Variants in FAM114A2 observed in about 807,000 individuals in gnomAD.
FAM114A2 encodes family with sequence similarity 114 member A2.
Under a neutral mutation model 58.4 loss-of-function variants are expected in FAM114A2, and 53 were observed. That is an observed-to-expected ratio of 0.91 (90% CI 0.73 to 1.14). FAM114A2 has a LOEUF of 1.14. Among genes scored for constraint, FAM114A2 ranks in the 50% most tolerant of loss-of-function variants. The pLI is 0.00. For synonymous variants in FAM114A2, 228 were observed against 211.4 expected, an observed-to-expected ratio of 1.08 and a Z score of -0.68; for missense variants, 601 against 581.1, an observed-to-expected ratio of 1.03 and a Z score of -0.35.
rs1408663264 is a variant in FAM114A2, at chr5:154,002,879, T to C, written c.1084A>G (p.Asn362Asp). ...EEGEKQSEAE[N>D]TEQVNKNSIE... ...GAATTTTTGTTGACTTGCTCAGTAT[T>C]TTCTGCTTCCGACTGTTTTTCTCCT... Residue 362 changes from asparagine to aspartate, a missense_variant, in exon 10 of 14, where the codon AAT (asparagine) becomes GAT (aspartate). Physicochemically the swap from Asn to Asp is conservative, Grantham distance 23. Coordinates refer to ENST00000351797, the MANE Select transcript of FAM114A2 (RefSeq NM_018691.4). The C allele has an allele frequency of 3.1e-6, 5 of 1,614,014 alleles. No individual in the cohort carries two copies. In the African/African-American group the frequency reaches 5.3e-5, roughly 17 times the overall value.
At chr5:154,026,296 A>T in intron 8 of FAM114A2, 103 bp downstream of exon 8, 1 of 927,166 alleles carries the variant, frequency 1.1e-6, no homozygotes, top group Non-Finnish European at 1.5e-6. Flanking sequence ...AAAAAAGTAA[A>T]ATCAAGCCAG....
In FAM114A2 at chr5:154,002,901, T is replaced by C. The variant is rs1183442702; in HGVS notation, c.1062A>G (p.Gly354=). 3.7e-6 allele frequency: 6 copies of C among 1,614,082 alleles called. No individual in the cohort carries two copies. Among genetic ancestry groups the C allele is most frequent in the Non-Finnish European group, 5.1e-6 (6 of 1,179,910 alleles). Residue 354 remains glycine, a synonymous_variant, in exon 10 of 14, where the codon GGA becomes GGG. Coordinates refer to ENST00000351797, the MANE Select transcript of FAM114A2 (RefSeq NM_018691.4). ...TATTTTCTGCTTCCGACTGTTTTTC[T>C]CCTTCTTCATTCTCTGCTAATGGCT... ...LTKPLAENEE[G]EKQSEAENTE...
chr5:154,009,181 G>A (rs1770538336), intron 9 of FAM114A2, among the ~76,000 whole-genome samples: 1 of 152,286 alleles, frequency 6.6e-6, no homozygotes, highest in Non-Finnish European at 1.5e-5. Flanking sequence ...GAAATGTCTG[G>A]TTGCAGGGCT....
chr5:154,000,502 A>G (rs1244500603), intron 11 of FAM114A2, among the ~76,000 whole-genome samples: 1 of 152,164 alleles, frequency 6.6e-6, no homozygotes, highest in Non-Finnish European at 1.5e-5. Flanking sequence ...TTTTTTAAAA[A>G]GACGGAAAAG....
At chr5:154,012,731 T>G (rs1581792713) in intron 8 of FAM114A2, among the ~76,000 whole-genome samples, 1 of 152,182 alleles carries the variant, frequency 6.6e-6, no homozygotes, top group South Asian at 2.1e-4. Context: ...TCTTCCTACA[T>G]AACTCATCTA....
At position 153,990,586 on chromosome 5, in the gene FAM114A2, TA is replaced by T. The variant is rs1769214576; in HGVS notation, c.*2389del. 6.6e-6 allele frequency: 1 copy of T among 150,898 alleles called. No individual in the cohort carries two copies. The highest frequency in any genetic ancestry group is 2.4e-5 in the African/African-American group (1 of 40,924). 9.3% of individuals were successfully genotyped at this position (150,898 alleles called of 1,614,324 possible). A position where few individuals can be genotyped will look rare whatever the true frequency, so the allele number is the denominator to read the frequency against. Reference sequence around the variant, plus strand: ...TTCTAAGGTATTATGCAAAGGAAAATAAAAATTGTTTCATAGAGGTTTCTAC... The same window carrying T: ...TTCTAAGGTATTATGCAAAGGAAAATAAAATTGTTTCATAGAGGTTTCTAC... On this transcript the variant is annotated 3_prime_UTR_variant, in exon 14 of 14. Transcript: ENST00000351797.
chr5:153,996,901 G>A lies in FAM114A2; in HGVS notation c.1329+902C>T, dbSNP rs1769596041. 2.0e-5 allele frequency among the ~76,000 whole-genome samples: 3 copies of A among 151,526 alleles called. No individual in the cohort carries two copies. The South Asian group carries it at 6.2e-4, about 32-fold the overall frequency. ...AATCCCAGCTACTTGGGAGGCAGAG[G>A]CAGAAGAATCACTTGGACCCAGGAG... On this transcript the variant is annotated intron_variant, in intron 12 of 13. Coordinates refer to ENST00000351797, the MANE Select transcript of FAM114A2 (RefSeq NM_018691.4).
At chr5:154,020,616 C>T (rs1200940512) in intron 8 of FAM114A2, among the ~76,000 whole-genome samples, 1 of 152,054 alleles carries the variant, frequency 6.6e-6, no homozygotes, top group African/African-American at 2.4e-5. Flanking sequence ...AATCTCTGAA[C>T]AGAGCAATAA....
At position 154,029,498 on chromosome 5, in the gene FAM114A2, A is replaced by G. The variant is rs758575128; in HGVS notation, c.486T>C (p.Val162=). 3 of 1,595,566 alleles carry G rather than the reference A, an allele frequency of 1.9e-6. No homozygotes were observed. In the Admixed American group the frequency reaches 5.0e-5, roughly 27 times the overall value. The change falls in exon 5 of 14, where the codon GTT becomes GTC. Residue 162 remains valine, a synonymous_variant. Coordinates refer to ENST00000351797, the MANE Select transcript of FAM114A2 (RefSeq NM_018691.4). ...FGVFSTISTA[V]QSTGKSVISG... is the part of the protein sequence containing the mutation. ...GCACTTTTTTACTTACTGTGCTCTGAACAGCAGTAGAGATGGTAGAGAATA... is the reference window on the plus strand; with the variant it reads ...GCACTTTTTTACTTACTGTGCTCTGGACAGCAGTAGAGATGGTAGAGAATA...
At chr5:154,010,191 A>C (rs1371184834) in intron 9 of FAM114A2, among the ~76,000 whole-genome samples, 1 of 152,260 alleles carries the variant, frequency 6.6e-6, no homozygotes, top group Non-Finnish European at 1.5e-5. Flanking sequence ...AACACATGTG[A>C]AAGCACAAAT....
chr5:154,027,299 C>T lies in FAM114A2; in HGVS notation c.666G>A (p.Arg222=). The T allele has an allele frequency of 6.2e-7, 1 of 1,613,172 alleles. No homozygotes were observed. ...LREAKEKEEI[R]TSNEVTVETD... is the part of the protein sequence containing the mutation. ...TTTCCACGGTAACCTCATTGGAGGT[C>T]CGTATCTCTTCTTTCTCCTTCGCCT... The change falls in exon 7 of 14, where the codon CGG becomes CGA. Residue 222 remains arginine, a synonymous_variant. Transcript: ENST00000351797.
At position 153,990,406 on chromosome 5, in the gene FAM114A2, T is replaced by C. The variant is rs1335350960; in HGVS notation, c.*2570A>G. The C allele has an allele frequency of 6.6e-6, 1 of 151,974 alleles. No homozygotes were observed. Among genetic ancestry groups the C allele is most frequent in the Non-Finnish European group, 1.5e-5 (1 of 68,016 alleles). The allele number at this position is 151,974 out of a possible 1,614,324, so 9.4% of individuals were successfully genotyped here. On this transcript the variant is annotated 3_prime_UTR_variant, in exon 14 of 14. Transcript: ENST00000351797. ...TACAGGATTGAAAAATTCACATTTG[T>C]ACACCTAGCACTGATTTCAGATTCA... is the stretch of plus-strand genomic sequence containing the variant.
At chr5:154,002,202 G>T in intron 11 of FAM114A2, 49 bp downstream of exon 11, 1 of 1,583,468 alleles carries the variant, frequency 6.3e-7, no homozygotes, top group South Asian at 1.1e-5. Flanking sequence ...AACAGGCCAA[G>T]AAAACTCCTG....
rs569767622 is a variant in FAM114A2, at chr5:153,997,574, G to A, written c.1329+229C>T. Among the ~76,000 whole-genome samples, 159 of 152,286 alleles carry A rather than the reference G, an allele frequency of 1.0e-3. 1 individual carries two copies. The highest frequency in any genetic ancestry group is 4.8e-3 in the South Asian group (23 of 4,824). On this transcript the variant is annotated intron_variant, in intron 12 of 13. Transcript: ENST00000351797. ...GAGAAAGAAAGCAGATTCATGGTGC[G>A]TAGGGCTGGGGAAATGTGGAGTGAA...
Position 153,992,161 on chromosome 5 carries a change from T to A in FAM114A2, c.*815A>T, listed in dbSNP as rs905896041. The A allele has an allele frequency of 1.3e-5, 2 of 152,232 alleles. No individual in the cohort carries two copies. The highest frequency in any genetic ancestry group is 2.9e-5 in the Non-Finnish European group (2 of 68,042). The allele number at this position is 152,232 out of a possible 1,614,324, so 9.4% of individuals were successfully genotyped here. A position where few individuals can be genotyped will look rare whatever the true frequency, so the allele number is the denominator to read the frequency against. ...TTCAACATTCCTTTGGAGTTTGCTGTTAAAGAATTTATCCTGCATATATGG... is the reference window on the plus strand; with the variant it reads ...TTCAACATTCCTTTGGAGTTTGCTGATAAAGAATTTATCCTGCATATATGG... On this transcript the variant is annotated 3_prime_UTR_variant, in exon 14 of 14. Coordinates refer to ENST00000351797, the MANE Select transcript of FAM114A2 (RefSeq NM_018691.4).
At chr5:154,032,771 T>C (rs1202946101) in intron 4 of FAM114A2, among the ~76,000 whole-genome samples, 1 of 152,156 alleles carries the variant, frequency 6.6e-6, no homozygotes, top group African/African-American at 2.4e-5. Context: ...ATAAAGAAAC[T>C]ATAAAGAAAT....
chr5:154,002,661 G>A (rs1333038790), intron 10 of FAM114A2, among the ~76,000 whole-genome samples, 186 bp downstream of exon 10: 1 of 152,050 alleles, frequency 6.6e-6, no homozygotes, highest in Non-Finnish European at 1.5e-5. Context: ...AAACACACGC[G>A]CATCCTTTCT....
intron 12 of FAM114A2, 106 bp downstream of exon 12, chr5:153,997,697 A>C: frequency 1.4e-6 from 1 of 715,880 alleles, no homozygotes; most frequent in Non-Finnish European, 2.5e-6. Context: ...TATACTAAAA[A>C]CTAAAAACTA....
At position 154,011,311 on chromosome 5, in the gene FAM114A2, T is replaced by A. The variant is rs1425079948; in HGVS notation, c.923A>T (p.Asp308Val). ...EEEEEKKGDE[D>V]FTKDITELFS... ...CAGCTCTGTTATGTCCTTGGTAAAA[T>A]CTTCATCCCCTAAAAAACCAAGTCC... The change falls in exon 9 of 14, where the codon GAT becomes GTT. Residue 308 changes from aspartate to valine, a missense_variant. Transcript: ENST00000351797. 1.2e-6 allele frequency: 2 copies of A among 1,611,542 alleles called. No homozygotes were observed. The highest frequency in any genetic ancestry group is 3.3e-5 in the Admixed American group (2 of 59,728).
Sources: gnomAD v4.1 joint callset for allele counts (sites outside exome capture counted in the v4.1 genomes callset) on GRCh38, gnomAD v4.1.1 for gene constraint, MANE v1.5 for transcripts, NCBI Gene and HGNC (gene_info 2026-07-23, HGNC 2026-07-21) for gene names.